Variants in NT5E observed in about 807,000 individuals in gnomAD.
NT5E encodes the protein 5'-nucleotidase ecto.
In NT5E, 53 loss-of-function variants were observed where a neutral mutation model predicts 55.1. That is an observed-to-expected ratio of 0.96 (90% CI 0.77 to 1.21). The LOEUF (loss-of-function observed/expected upper bound fraction) is 1.21. NT5E is among the 50% of genes most tolerant of loss of function. The pLI, the probability that NT5E is intolerant of heterozygous loss-of-function variation, is 0.00. For missense variants in NT5E, 683 were observed against 724.3 expected (o/e 0.94, Z 0.65); for synonymous variants, 270 against 278.4 (o/e 0.97, Z 0.30).
intron 1 of NT5E, among the ~76,000 whole-genome samples, chr6:85,453,081 G>A (rs956521402): frequency 6.6e-6 from 1 of 152,094 alleles, no homozygotes; most frequent in Non-Finnish European, 1.5e-5. Context: ...GAGGACCCAG[G>A]GCAATCCTGG....
At chr6:85,486,086 C>G (rs1031110889) in intron 4 of NT5E, among the ~76,000 whole-genome samples, 3 of 151,768 alleles carry the variant, frequency 2.0e-5, no homozygotes, top group South Asian at 2.1e-4. Context: ...GGCAGGGGTA[C>G]GTTAGTGAGG....
intron 3 of NT5E, among the ~76,000 whole-genome samples, chr6:85,476,008 C>T (rs768405291): frequency 6.6e-6 from 1 of 152,186 alleles, no homozygotes; most frequent in Non-Finnish European, 1.5e-5. Flanking sequence ...CTTTGAGGCT[C>T]AGACCTTCTG....
intron 3 of NT5E, 144 bp downstream of exon 3, chr6:85,471,569 A>T (rs1769308732): frequency 2.4e-6 from 1 of 425,372 alleles, no homozygotes. Context: ...TGTAATATAC[A>T]TTAAATGGGA....
intron 3 of NT5E, among the ~76,000 whole-genome samples, chr6:85,481,128 A>G (rs1769541535): frequency 6.6e-6 from 1 of 152,228 alleles, no homozygotes; most frequent in Non-Finnish European, 1.5e-5. Context: ...TTAAGTTGTC[A>G]TTCAACAAAC....
At chr6:85,485,923 G>C (rs1462968432) in intron 4 of NT5E, among the ~76,000 whole-genome samples, 1 of 152,168 alleles carries the variant, frequency 6.6e-6, no homozygotes, top group Admixed American at 6.5e-5. Context: ...ATGCAATGGG[G>C]CTCTCTCTTT....
At chr6:85,492,508 A>G (rs966550825) in intron 8 of NT5E, among the ~76,000 whole-genome samples, 1 of 152,252 alleles carries the variant, frequency 6.6e-6, no homozygotes. Flanking sequence ...CTGGAATTTT[A>G]GGATATGGAA....
chr6:85,482,835 T>A (rs1020704462), intron 3 of NT5E, among the ~76,000 whole-genome samples: 1 of 152,206 alleles, frequency 6.6e-6, no homozygotes, highest in Non-Finnish European at 1.5e-5. Flanking sequence ...GACTGGTTTC[T>A]GTGTCAGTGG....
At chr6:85,465,679 C>T (rs1582373379) in intron 1 of NT5E, among the ~76,000 whole-genome samples, 2 of 152,312 alleles carry the variant, frequency 1.3e-5, no homozygotes, top group East Asian at 1.9e-4. Flanking sequence ...AGGATGTATA[C>T]ACAACCCTTG....
chr6:85,487,444 C>A lies in NT5E; in HGVS notation c.1059C>A (p.Cys353Ter), dbSNP rs1388648932. The part of the protein sequence containing the change: ...IVYLDGSSQS[C>*]RFRECNMGNL... Reference sequence around the variant, plus strand: ...ATCTGGATGGCTCCTCTCAATCATGCCGCTTTAGAGAATGCAACATGGGCA... The same window carrying A: ...ATCTGGATGGCTCCTCTCAATCATGACGCTTTAGAGAATGCAACATGGGCA... The change falls in exon 5 of 9, where the codon TGC becomes TGA. Residue 353 changes from cysteine (C) to a stop codon, truncating the protein, a stop_gained. Transcript: ENST00000257770. LOFTEE classifies it high-confidence loss of function. 2 of 1,614,110 alleles carry A rather than the reference C, an allele frequency of 1.2e-6. No homozygotes were observed. The highest frequency in any genetic ancestry group is 2.2e-5 in the East Asian group (1 of 44,878).
chr6:85,476,162 AC>A (rs146229080), intron 3 of NT5E, among the ~76,000 whole-genome samples: 155 of 152,128 alleles, frequency 1.0e-3, no homozygotes, highest in African/African-American at 3.7e-3. Context: ...TTGATCCAAT[AC>A]CCCAAGTTCA....
chr6:85,470,832 C>T (rs912085982), intron 2 of NT5E, among the ~76,000 whole-genome samples: 1 of 152,212 alleles, frequency 6.6e-6, no homozygotes, highest in African/African-American at 2.4e-5. Context: ...TAAGTTTGAA[C>T]ACTGATTATC....
At chr6:85,464,666 A>C (rs1351286242) in intron 1 of NT5E, among the ~76,000 whole-genome samples, 3 of 152,172 alleles carry the variant, frequency 2.0e-5, no homozygotes, top group Non-Finnish European at 4.4e-5. Flanking sequence ...TGCATTTGAG[A>C]AAAGTTTTTC....
At chr6:85,457,793 G>A (rs1434578009) in intron 1 of NT5E, among the ~76,000 whole-genome samples, 2 of 152,158 alleles carry the variant, frequency 1.3e-5, no homozygotes, top group African/African-American at 4.8e-5. Context: ...TGAGGATAGC[G>A]ATCAGGACCT....
intron 3 of NT5E, among the ~76,000 whole-genome samples, chr6:85,478,636 T>C (rs1373072482): frequency 6.6e-6 from 1 of 152,180 alleles, no homozygotes; most frequent in Admixed American, 6.5e-5. Flanking sequence ...GACAGTGATA[T>C]GGCTACCTTA....
chr6:85,483,168 A>G (rs1054220372), intron 3 of NT5E, among the ~76,000 whole-genome samples: 1 of 152,208 alleles, frequency 6.6e-6, no homozygotes, highest in Non-Finnish European at 1.5e-5. Context: ...GATAAAGGCC[A>G]AAAAAAGATC....
intron 7 of NT5E, 37 bp from the exon 8 acceptor site, chr6:85,491,940 T>C: frequency 6.3e-7 from 1 of 1,592,030 alleles, no homozygotes; most frequent in South Asian, 1.1e-5. Context: ...GAAATCTCCC[T>C]TTGGATCTGG....
At chr6:85,486,228 T>G (rs1300230035) in intron 4 of NT5E, among the ~76,000 whole-genome samples, 1 of 152,156 alleles carries the variant, frequency 6.6e-6, no homozygotes, top group Non-Finnish European at 1.5e-5. Context: ...ATTTACAATA[T>G]AGTGTGTGCG....
At chr6:85,490,754 A>C (rs1485501650) in intron 7 of NT5E, 97 bp downstream of exon 7, 1 of 1,424,872 alleles carries the variant, frequency 7.0e-7, no homozygotes, top group Admixed American at 1.7e-5. Context: ...CCTGTGGTCA[A>C]ACTGGTTTGG....
chr6:85,475,394 G>C (rs1410077156), intron 3 of NT5E, among the ~76,000 whole-genome samples: 1 of 152,174 alleles, frequency 6.6e-6, no homozygotes. Flanking sequence ...AATGTTGAAA[G>C]TTATTCCAGT....
Sources: allele counts gnomAD v4.1 joint callset (sites outside exome capture counted in the v4.1 genomes callset), GRCh38; gene constraint gnomAD v4.1.1; transcripts MANE v1.5; gene names NCBI Gene and HGNC (gene_info 2026-07-23, HGNC 2026-07-21).